BIN2: variants seen among roughly 807,000 people sequenced by gnomAD.
BIN2 encodes the protein breast cancer associated protein BRAP1.
Under a neutral mutation model 67.9 loss-of-function variants are expected in BIN2, and 43 were observed. That is an observed-to-expected ratio of 0.63 (90% CI 0.50 to 0.82). BIN2 has a LOEUF of 0.82. Ranked by LOEUF, BIN2 falls within the 40% of genes least tolerant of loss-of-function variation. The probability of loss-of-function intolerance (pLI) is 0.00; values close to 1 mark genes in which losing one functional copy is unlikely to be tolerated. For missense variants in BIN2, 581 were observed against 671.6 expected, an observed-to-expected ratio of 0.87 and a Z score of 1.49; for synonymous variants, 244 against 246.8, an observed-to-expected ratio of 0.99 and a Z score of 0.11.
chr12:51,311,492 A>G (rs1429802849), intron 2 of BIN2, among the ~76,000 whole-genome samples: 1 of 151,794 alleles, frequency 6.6e-6, no homozygotes, highest in Non-Finnish European at 1.5e-5. Context: ...CAATCCTCCT[A>G]CCTCAGCCTC....
At position 51,291,594 on chromosome 12, in the gene BIN2, A is replaced by T; in HGVS notation, c.1512T>A (p.Ser504=). The T allele has an allele frequency of 6.3e-7, 1 of 1,595,412 alleles. No homozygotes were observed. Among genetic ancestry groups the T allele is most frequent in the Non-Finnish European group, 8.5e-7 (1 of 1,174,294 alleles). ...ACCCAACCAGAACTACTCTTACCTG[A>T]GATGTCATTAAGGTGGGGGAAGTAC... ...ELCTSPTLMT[S]QVASEPGEAK... The change falls in exon 10 of 13, where the codon TCT becomes TCA. Residue 504 remains serine, a synonymous_variant. Transcript: ENST00000615107.
chr12:51,320,119 G>A (rs971260901), intron 1 of BIN2, among the ~76,000 whole-genome samples: 2 of 152,088 alleles, frequency 1.3e-5, no homozygotes, highest in Non-Finnish European at 2.9e-5. Context: ...CAAGCAGCCA[G>A]GACTACAGGT....
chr12:51,299,090 GGGGCGGGGCAGTGT>G (rs1210618546), intron 7 of BIN2, 99 bp downstream of exon 7: 1 of 619,294 alleles, frequency 1.6e-6, no homozygotes, highest in Admixed American at 3.2e-5. Flanking sequence ...AAAAAAAAAG[GGGGCGGGGCAGTGT>G]GGGAATTTAA....
intron 9 of BIN2, among the ~76,000 whole-genome samples, 187 bp downstream of exon 9, chr12:51,295,609 T>A (rs866740021): frequency 0.055 from 2,475 of 44,700 alleles, 309 homozygotes; most frequent in East Asian, 0.25. Flanking sequence ...TATATATATA[T>A]ATATATATAT....
chr12:51,307,759 A>G (rs1463765697), intron 2 of BIN2, among the ~76,000 whole-genome samples: 5 of 152,056 alleles, frequency 3.3e-5, no homozygotes, highest in Non-Finnish European at 5.9e-5. Context: ...AAAGTTCCTA[A>G]TTTTTTCCCA....
rs1017332664 is a variant in BIN2, at chr12:51,313,855, C to A, written c.130G>T (p.Glu44Ter). Residue 44 changes from glutamate to a stop codon, truncating the protein, a stop_gained, in exon 2 of 13, where the codon GAA becomes TAA. Transcript: ENST00000615107. LOFTEE classifies it high-confidence loss of function. ...TGGTAGAAGTTGCTAGCGCTTTGTT[C>A]AAATCGTTCATCTTTGGTTTCTACA... ...KAVETKDERF[E>*]QSASNFYQQQ... 1 of 1,613,842 alleles carries A rather than the reference C, an allele frequency of 6.2e-7. No homozygotes were observed. The highest frequency in any genetic ancestry group is 8.5e-7 in the Non-Finnish European group (1 of 1,179,862).
At position 51,303,182 on chromosome 12, in the gene BIN2, A is replaced by G. The variant is rs747577984; in HGVS notation, c.163-41T>C. The stretch of plus-strand genomic sequence containing the variant: ...ACATTTGGTGACTAAAGAGATTAAT[A>G]TTTCAAAAGATGCTCCAGAGGTCAA... On this transcript the variant is annotated intron_variant, in intron 2 of 12. Transcript: ENST00000615107. The G allele has an allele frequency of 1.0e-5, 16 of 1,594,698 alleles. No homozygotes were observed. The South Asian group carries it at 1.8e-4, about 18-fold the overall frequency.
At chr12:51,294,723 GCA>G (rs1945489298) in intron 9 of BIN2, among the ~76,000 whole-genome samples, 1 of 151,744 alleles carries the variant, frequency 6.6e-6, no homozygotes, top group Non-Finnish European at 1.5e-5. Flanking sequence ...AAACATACAT[GCA>G]CACATAAAAC....
chr12:51,314,030 T>C (rs1387073850), intron 1 of BIN2, 127 bp from the exon 2 acceptor site: 4 of 246,588 alleles, frequency 1.6e-5, no homozygotes, highest in African/African-American at 9.4e-5. Flanking sequence ...ATTTATTTAT[T>C]TATTTATTTA....
At chr12:51,292,437 TA>T in intron 9 of BIN2, 93 bp from the exon 10 acceptor site, 1 of 1,317,382 alleles carries the variant, frequency 7.6e-7, no homozygotes, top group Non-Finnish European at 1.0e-6. Flanking sequence ...AAAAAAAGAA[TA>T]AAGCAATTTA....
chr12:51,317,122 C>T (rs1035830783), intron 1 of BIN2, among the ~76,000 whole-genome samples: 18 of 152,006 alleles, frequency 1.2e-4, no homozygotes, highest in African/African-American at 3.1e-4. Flanking sequence ...GTGATCCGCC[C>T]GCCTCAGCCT....
chr12:51,300,943 G>A (rs1945706430), intron 5 of BIN2, among the ~76,000 whole-genome samples: 3 of 152,132 alleles, frequency 2.0e-5, no homozygotes, highest in South Asian at 4.1e-4. Flanking sequence ...TACTAGAGCC[G>A]GGTGCAGTGG....
At chr12:51,302,210 T>A in intron 4 of BIN2, 95 bp from the exon 5 acceptor site, 1 of 840,320 alleles carries the variant, frequency 1.2e-6, no homozygotes, top group Non-Finnish European at 2.0e-6. Flanking sequence ...AAAACCTTTT[T>A]TGTAGCACCG....
rs571361990 is a variant in BIN2, at chr12:51,308,812, T to A, written c.162+5011A>T. ...AAGCAAGTAGAGCCTCAGAGAAAAA[T>A]TACCTATAGAAGAAATGTGATCAGG... On this transcript the variant is annotated intron_variant, in intron 2 of 12. Transcript: ENST00000615107. 4.6e-5 allele frequency among the ~76,000 whole-genome samples: 7 copies of A among 151,738 alleles called. No individual in the cohort carries two copies. In the East Asian group the frequency reaches 1.4e-3, roughly 29 times the overall value.
chr12:51,283,797 C>T (rs572974313), intron 12 of BIN2, among the ~76,000 whole-genome samples: 1 of 152,034 alleles, frequency 6.6e-6, no homozygotes, highest in South Asian at 2.1e-4. Context: ...GAGTTTGAGA[C>T]CAGCCTGACC....
intron 2 of BIN2, among the ~76,000 whole-genome samples, chr12:51,311,262 G>A (rs568617240): frequency 2.6e-5 from 4 of 151,776 alleles, no homozygotes; most frequent in Non-Finnish European, 4.4e-5. Flanking sequence ...GTGTTGCCGG[G>A]TTTGTCTCAA....
chr12:51,287,996 T>C, intron 11 of BIN2, 112 bp downstream of exon 11: 2 of 752,794 alleles, frequency 2.7e-6, no homozygotes, highest in South Asian at 1.8e-5. Context: ...CAGTGCTTCA[T>C]GTGAATCAAG....
At position 51,292,335 on chromosome 12, in the gene BIN2, C is replaced by T; in HGVS notation, c.771G>A (p.Arg257=). ...FVVKGLSSSS[R]RSLVISPPVR... ...CTGGGGGAGAAATGACTAAAGAGCG[C>T]CTGCTGCTGCTAAAAAAGGAAGGTG... The change falls in exon 10 of 13, where the codon AGG becomes AGA. Residue 257 remains arginine, a synonymous_variant. Transcript: ENST00000615107. 1.3e-5 allele frequency: 20 copies of T among 1,567,606 alleles called. No individual in the cohort carries two copies. Among genetic ancestry groups the T allele is most frequent in the Non-Finnish European group, 1.7e-5 (20 of 1,162,140 alleles).
chr12:51,306,670 TA>T (rs1268211874), intron 2 of BIN2, among the ~76,000 whole-genome samples: 2 of 152,186 alleles, frequency 1.3e-5, no homozygotes, highest in African/African-American at 4.8e-5. Context: ...ACAGAGACGT[TA>T]GAATGCAGGA....
Sources: allele counts gnomAD v4.1 joint callset (sites outside exome capture counted in the v4.1 genomes callset), GRCh38; gene constraint gnomAD v4.1.1; transcripts MANE v1.5; gene names NCBI Gene and HGNC (gene_info 2026-07-23, HGNC 2026-07-21).